The following MLF1 variants were observed in gnomAD, a reference collection of about 807,000 sequenced individuals.
MLF1 encodes the protein myelodysplasia-myeloid leukemia factor 1.
In MLF1, 37 loss-of-function variants were observed where a neutral mutation model predicts 38.3. The observed-to-expected ratio is 0.96, with a 90% CI of 0.74 to 1.27. MLF1 has a LOEUF of 1.27. Among genes scored for constraint, MLF1 ranks in the 50% most tolerant of loss-of-function variants. The probability of loss-of-function intolerance (pLI) is 0.00; values close to 1 mark genes in which losing one functional copy is unlikely to be tolerated. For missense variants in MLF1, 331 were observed against 349.2 expected, an observed-to-expected ratio of 0.95 and a Z score of 0.42; for synonymous variants, 95 against 106.5, an observed-to-expected ratio of 0.89 and a Z score of 0.66.
chr3:158,588,704 C>A, intron 1 of MLF1: 1 of 249,120 alleles, frequency 4.0e-6, no homozygotes, highest in South Asian at 3.9e-5. Flanking sequence ...TACAAATCTA[C>A]AAAAAGTTTA....
chr3:158,587,454 C>G (rs7624687), intron 1 of MLF1, among the ~76,000 whole-genome samples: 1 of 152,092 alleles, frequency 6.6e-6, no homozygotes, highest in Non-Finnish European at 1.5e-5. Context: ...TTTGAGACAC[C>G]AGTAACCTAT....
intron 1 of MLF1, chr3:158,588,995 C>G (rs1717736083): frequency 1.2e-5 from 5 of 426,776 alleles, no homozygotes; most frequent in South Asian, 8.4e-5. Context: ...TTTCCCCTCC[C>G]CTAAAATCCA....
chr3:158,582,902 A>C (rs773894655), intron 1 of MLF1: 3 of 691,760 alleles, frequency 4.3e-6, no homozygotes, highest in Non-Finnish European at 7.9e-6. Context: ...TACATTAAAA[A>C]AGCAAGAGCA....
chr3:158,571,392 G>A, intron 1 of MLF1, 45 bp downstream of exon 1: 1 of 1,612,026 alleles, frequency 6.2e-7, no homozygotes, highest in Non-Finnish European at 8.5e-7. Context: ...GGGAATTAAG[G>A]TATCGAGGGG....
chr3:158,571,726 G>A (rs1341113818), intron 1 of MLF1, among the ~76,000 whole-genome samples: 2 of 106,492 alleles, frequency 1.9e-5, no homozygotes, highest in East Asian at 2.7e-4. Flanking sequence ...GAGGTTGAGG[G>A]CGTGAGGTGA....
chr3:158,599,011 A>C (rs540897205), intron 5 of MLF1, among the ~76,000 whole-genome samples: 9 of 152,168 alleles, frequency 5.9e-5, no homozygotes, highest in African/African-American at 1.7e-4. Flanking sequence ...TGGTTTCTTT[A>C]ACTTCTATGT....
At chr3:158,578,643 T>C (rs953875069) in intron 1 of MLF1, among the ~76,000 whole-genome samples, 5 of 152,228 alleles carry the variant, frequency 3.3e-5, no homozygotes, top group South Asian at 2.1e-4. Flanking sequence ...CCTTGTGATA[T>C]ATGCTGAAGG....
chr3:158,578,013 G>A lies in MLF1; in HGVS notation c.47+6666G>A, dbSNP rs570228593. Among the ~76,000 whole-genome samples, 118 of 152,234 alleles carry A rather than the reference G, an allele frequency of 7.8e-4. 2 individuals are homozygous for A. In the South Asian group the frequency reaches 0.024, roughly 31 times the overall value. On this transcript the variant is annotated intron_variant, in intron 1 of 7. Coordinates refer to ENST00000466246, the MANE Select transcript of MLF1 (RefSeq NM_001369783.1). ...AATATTTCTTCAGTTTCTACTATAG[G>A]CCGAACCCTGTGGGTTCTCTTTTAA...
chr3:158,594,018 A>G (rs1298197073), intron 3 of MLF1, among the ~76,000 whole-genome samples: 1 of 152,068 alleles, frequency 6.6e-6, no homozygotes, highest in Non-Finnish European at 1.5e-5. Flanking sequence ...GAACATTTGT[A>G]TCTACAGTCT....
intron 1 of MLF1, among the ~76,000 whole-genome samples, chr3:158,589,649 T>TA (rs1717835156): frequency 1.3e-5 from 2 of 152,204 alleles, no homozygotes; most frequent in Non-Finnish European, 2.9e-5. Context: ...AAATTAAAAT[T>TA]AAAAAACTTG....
chr3:158,599,266 C>A (rs1025059988), intron 5 of MLF1, among the ~76,000 whole-genome samples: 1 of 152,064 alleles, frequency 6.6e-6, no homozygotes, highest in African/African-American at 2.4e-5. Flanking sequence ...TGTGTACTTT[C>A]CTCTTTACCT....
At chr3:158,587,401 G>C (rs1325523726) in intron 1 of MLF1, among the ~76,000 whole-genome samples, 1 of 152,150 alleles carries the variant, frequency 6.6e-6, no homozygotes, top group Non-Finnish European at 1.5e-5. Context: ...CAGCTCCAGG[G>C]CTTAGTCCTC....
chr3:158,594,296 T>G (rs1718582641), intron 3 of MLF1, among the ~76,000 whole-genome samples: 1 of 152,076 alleles, frequency 6.6e-6, no homozygotes, highest in African/African-American at 2.4e-5. Context: ...TAGTAGAAGT[T>G]AGCCAGAAAA....
At chr3:158,581,585 A>G (rs912224202) in intron 1 of MLF1, among the ~76,000 whole-genome samples, 4 of 152,106 alleles carry the variant, frequency 2.6e-5, no homozygotes, top group Admixed American at 6.5e-5. Flanking sequence ...GCCTCCCACA[A>G]CACCTTACCA....
At chr3:158,589,689 T>G (rs1052641643) in intron 1 of MLF1, among the ~76,000 whole-genome samples, 13 of 152,218 alleles carry the variant, frequency 8.5e-5, no homozygotes, top group African/African-American at 3.1e-4. Context: ...CTATAACAAA[T>G]TACCACATAT....
chr3:158,605,623 A>G lies in MLF1; in HGVS notation c.*421A>G, dbSNP rs1720414364. ...CTAACACTGTACTAGGGTGATATTA[A>G]TAAAGGTTTAAATAATTTATCTCTA... On this transcript the variant is annotated 3_prime_UTR_variant, in exon 8 of 8. Transcript: ENST00000466246. 5.3e-6 allele frequency: 1 copy of G among 187,428 alleles called. No individual in the cohort carries two copies. Among genetic ancestry groups the G allele is most frequent in the African/African-American group, 2.3e-5 (1 of 42,848 alleles). The allele number at this position is 187,428 out of a possible 1,614,324, so 11.6% of individuals were successfully genotyped here.
chr3:158,588,474 G>A (rs1027313717), intron 1 of MLF1, among the ~76,000 whole-genome samples: 22 of 152,142 alleles, frequency 1.4e-4, no homozygotes, highest in Non-Finnish European at 3.1e-4. Context: ...GGTGGCTGGT[G>A]CCTGTAGTCC....
In MLF1 at chr3:158,605,122, A is replaced by G; in HGVS notation, c.772A>G (p.Ile258Val). ...RREKPQQSPA[I>V]EHGRRSNVLG... ...GGAGAAACCTCAACAAAGTCCAGCC[A>G]TTGAACATGGAAGGAGATCAAATGT... The change falls in exon 8 of 8, where the codon ATT (isoleucine) becomes GTT (valine). Residue 258 changes from isoleucine (I) to valine (V), a missense_variant. Coordinates refer to ENST00000466246, the MANE Select transcript of MLF1 (RefSeq NM_001369783.1). 4 of 1,613,748 alleles carry G rather than the reference A, an allele frequency of 2.5e-6. No homozygotes were observed. The highest frequency in any genetic ancestry group is 2.5e-6 in the Non-Finnish European group (3 of 1,179,808).
rs776872287 is a variant in MLF1, at chr3:158,571,338, C to T, written c.38C>T (p.Pro13Leu). 38 of 1,613,054 alleles carry T rather than the reference C, an allele frequency of 2.4e-5. No homozygotes were observed. The South Asian group carries it at 3.3e-4, about 14-fold the overall frequency. ...CTGAACAGCAGTTTTGAGGATGACC[C>T]CTTCTTCTCGTGAGTTACGGGAGCC... ...RMLNSSFEDDPFFSESILAHR... is the reference protein window; with the variant it reads ...RMLNSSFEDDLFFSESILAHR... Residue 13 changes from proline to leucine, a missense_variant, in exon 1 of 8, where the codon CCC becomes CTC. Pro to Leu is a moderately conservative substitution (Grantham distance 98). Coordinates refer to ENST00000466246, the MANE Select transcript of MLF1 (RefSeq NM_001369783.1).
Sources: allele counts gnomAD v4.1 joint callset (sites outside exome capture counted in the v4.1 genomes callset), GRCh38; gene constraint gnomAD v4.1.1; transcripts MANE v1.5; gene names NCBI Gene and HGNC (gene_info 2026-07-23, HGNC 2026-07-21).